The following IDO2 variants were observed in gnomAD, a reference collection of about 807,000 sequenced individuals.
The protein encoded by IDO2 is indoleamine 2,3-dioxygenase-like 1 protein.
In IDO2, 46 loss-of-function variants were observed where a neutral mutation model predicts 45.1. That is an observed-to-expected ratio of 1.02 (90% CI 0.80 to 1.30). The LOEUF (loss-of-function observed/expected upper bound fraction) is 1.30. Among genes scored for constraint, IDO2 ranks in the 50% most tolerant of loss-of-function variants. IDO2 has a pLI of 0.00. For synonymous variants in IDO2, 218 were observed against 184.9 expected, an observed-to-expected ratio of 1.18 and a Z score of -1.45; for missense variants, 544 against 491.8, an observed-to-expected ratio of 1.11 and a Z score of -1.00.
chr8:40,000,300 C>T (rs1802115206), intron 8 of IDO2, among the ~76,000 whole-genome samples: 1 of 151,896 alleles, frequency 6.6e-6, no homozygotes, highest in Admixed American at 6.6e-5. Context: ...GTCCTAGTTA[C>T]TCAGGAAGCT....
rs1234944882 is a variant in IDO2, at chr8:39,979,166, G to A, written c.295G>A (p.Gly99Arg). The change falls in exon 4 of 11, where the codon GGA becomes AGA. Residue 99 changes from glycine (G) to arginine (R), a missense_variant. Physicochemically the swap from Gly to Arg is moderately radical, Grantham distance 125. Transcript: ENST00000502986. ...CACCATGGGTTATGTCTGGCAGGAAGGAGAGGCGCAGCCTGCAGAGGTGAG... is the reference window on the plus strand; with the variant it reads ...CACCATGGGTTATGTCTGGCAGGAAAGAGAGGCGCAGCCTGCAGAGGTGAG... 9 of 1,595,322 alleles carry A rather than the reference G, an allele frequency of 5.6e-6. No individual in the cohort carries two copies. In the East Asian group the frequency reaches 1.6e-4, roughly 28 times the overall value.
intron 9 of IDO2, among the ~76,000 whole-genome samples, chr8:40,008,195 C>T (rs906158384): frequency 9.2e-5 from 14 of 151,878 alleles, no homozygotes; most frequent in African/African-American, 3.4e-4. Context: ...TACAGGCACC[C>T]GCCACCAGCC....
At chr8:40,008,072 A>G in intron 9 of IDO2, among the ~76,000 whole-genome samples, 1 of 127,262 alleles carries the variant, frequency 7.9e-6, no homozygotes, top group South Asian at 2.4e-4. Context: ...TTTGAGACAG[A>G]GTCTTGCTTT....
chr8:39,972,644 G>A (rs569456672), intron 3 of IDO2, among the ~76,000 whole-genome samples: 80 of 135,136 alleles, frequency 5.9e-4, no homozygotes, highest in African/African-American at 2.0e-3. Context: ...AAGTTCTACT[G>A]GGGAAAAAAT....
chr8:39,987,895 T>C (rs370847121), exon 7 of IDO2: 1 of 1,610,586 alleles, frequency 6.2e-7, no homozygotes, highest in African/African-American at 1.3e-5. Flanking sequence ...TCATCTCATT[T>C]CCTGGGGGAG....
chr8:39,936,781 G>C (rs1167105692), intron 1 of IDO2, among the ~76,000 whole-genome samples: 1 of 152,082 alleles, frequency 6.6e-6, no homozygotes, highest in African/African-American at 2.4e-5. Flanking sequence ...AGATAAATTT[G>C]GTCCATGCTA....
At chr8:39,966,360 TA>T (rs1808085833) in intron 3 of IDO2, among the ~76,000 whole-genome samples, 1 of 152,132 alleles carries the variant, frequency 6.6e-6, no homozygotes, top group African/African-American at 2.4e-5. Context: ...GGAAAATACC[TA>T]ACAAATGAAG....
rs765539773 is a variant in IDO2, at chr8:39,942,156, A to G, written c.-18+6938A>G. The stretch of plus-strand genomic sequence containing the variant: ...GAAAACAACATGAAACATGAGAAAA[A>G]TAACATTCCCTGTTATATGGTAGGT... On this transcript the variant is annotated intron_variant, in intron 1 of 10. Transcript: ENST00000502986. 1.0e-3 allele frequency among the ~76,000 whole-genome samples: 152 copies of G among 152,242 alleles called. 1 individual carries two copies. The highest frequency in any genetic ancestry group is 1.6e-3 in the Non-Finnish European group (112 of 68,046).
chr8:40,004,568 C>T (rs12544637), intron 8 of IDO2, among the ~76,000 whole-genome samples: 101,981 of 148,936 alleles, frequency 0.68, 34,529 homozygotes, highest in South Asian at 0.76. Context: ...GATAGATAGA[C>T]GATAGATAGA....
At chr8:39,969,975 A>C (rs1195355330) in intron 3 of IDO2, among the ~76,000 whole-genome samples, 1 of 152,212 alleles carries the variant, frequency 6.6e-6, no homozygotes, top group Non-Finnish European at 1.5e-5. Context: ...CTTTTGCCAA[A>C]CAGCCAAGCT....
chr8:39,967,861 G>A lies in IDO2; in HGVS notation c.195+4158G>A, dbSNP rs773334517. ...GCCATATCAAAATACTGAAGAGGAC[G>A]TATAGCAATAGAGACTTTCATTCAT... On this transcript the variant is annotated intron_variant, in intron 3 of 10. Coordinates refer to ENST00000502986, the Ensembl canonical transcript of IDO2. Among the ~76,000 whole-genome samples, 12 of 152,190 alleles carry A rather than the reference G, an allele frequency of 7.9e-5. No individual in the cohort carries two copies. In the South Asian group the frequency reaches 8.3e-4, roughly 10 times the overall value.
At chr8:39,993,431 G>A (rs780889618) in intron 8 of IDO2, among the ~76,000 whole-genome samples, 26 of 152,102 alleles carry the variant, frequency 1.7e-4, no homozygotes, top group Non-Finnish European at 2.9e-4. Flanking sequence ...TTTTCTTTTA[G>A]CAGTAATGAG....
intron 1 of IDO2, among the ~76,000 whole-genome samples, chr8:39,941,583 G>C (rs1807643662): frequency 6.6e-6 from 1 of 152,038 alleles, no homozygotes; most frequent in Admixed American, 6.6e-5. Context: ...TCTAGACCTT[G>C]GGAACAAGAA....
intron 2 of IDO2, among the ~76,000 whole-genome samples, chr8:39,950,545 A>G (rs2129593355): frequency 6.6e-6 from 1 of 152,266 alleles, no homozygotes; most frequent in African/African-American, 2.4e-5. Context: ...GGAACAAATG[A>G]TCTCTCAGCA....
chr8:39,937,524 CTT>C (rs72104971), intron 1 of IDO2, among the ~76,000 whole-genome samples: 27 of 143,780 alleles, frequency 1.9e-4, no homozygotes, highest in East Asian at 2.0e-4. Flanking sequence ...AAAATATCTT[CTT>C]TTTTTTTTTT....
chr8:39,965,552 A>C (rs1808072607), intron 3 of IDO2, among the ~76,000 whole-genome samples: 1 of 152,186 alleles, frequency 6.6e-6, no homozygotes, highest in African/African-American at 2.4e-5. Flanking sequence ...ACTGGGTTTA[A>C]TAGTGTCTTC....
chr8:40,012,988 A>G (rs1802329825), intron 9 of IDO2, among the ~76,000 whole-genome samples: 1 of 152,212 alleles, frequency 6.6e-6, no homozygotes, highest in African/African-American at 2.4e-5. Flanking sequence ...GTTATAGATT[A>G]CAAAGTTGAG....
intron 1 of IDO2, among the ~76,000 whole-genome samples, chr8:39,936,853 G>A (rs1363990737): frequency 1.3e-5 from 2 of 152,180 alleles, no homozygotes; most frequent in African/African-American, 2.4e-5. Flanking sequence ...GAAAATAAAC[G>A]TGGAAGTCGT....
intron 2 of IDO2, among the ~76,000 whole-genome samples, chr8:39,959,396 G>A (rs905302547): frequency 2.2e-5 from 2 of 90,936 alleles, no homozygotes; most frequent in East Asian, 3.6e-4. Flanking sequence ...TTACAGGCGT[G>A]AGCCACTGTG....
Sources: gnomAD v4.1 joint callset for allele counts (sites outside exome capture counted in the v4.1 genomes callset) on GRCh38, gnomAD v4.1.1 for gene constraint, MANE v1.5 for transcripts, NCBI Gene and HGNC (gene_info 2026-07-23, HGNC 2026-07-21) for gene names.